TMEM132D: variants seen among roughly 807,000 people sequenced by gnomAD.
The protein encoded by TMEM132D is mature OL transmembrane protein.
Under a neutral mutation model 62.3 loss-of-function variants are expected in TMEM132D, and 21 were observed. The observed-to-expected ratio is 0.34, with a 90% CI of 0.24 to 0.49. The LOEUF (loss-of-function observed/expected upper bound fraction) is 0.49, where lower values mean the gene tolerates loss of function less well. Ranked by LOEUF, TMEM132D falls within the 20% of genes least tolerant of loss-of-function variation. The pLI is 0.99. For synonymous variants in TMEM132D, 621 were observed against 575.6 expected, an observed-to-expected ratio of 1.08 and a Z score of -1.13; for missense variants, 1,346 against 1,402.8, an observed-to-expected ratio of 0.96 and a Z score of 0.65.
At chr12:129,722,782 C>T (rs1037694439) in intron 1 of TMEM132D, among the ~76,000 whole-genome samples, 2 of 146,958 alleles carry the variant, frequency 1.4e-5, no homozygotes, top group African/African-American at 5.0e-5. Context: ...CTCTGTCACT[C>T]AGCCTGGAGT....
chr12:129,407,465 C>T (rs1871826215), intron 3 of TMEM132D, among the ~76,000 whole-genome samples: 1 of 152,088 alleles, frequency 6.6e-6, no homozygotes, highest in Non-Finnish European at 1.5e-5. Context: ...TTTATCAGAA[C>T]TAAGTATAAA....
At chr12:129,746,864 G>C (rs996875584) in intron 1 of TMEM132D, among the ~76,000 whole-genome samples, 3 of 152,036 alleles carry the variant, frequency 2.0e-5, no homozygotes, top group Non-Finnish European at 4.4e-5. Flanking sequence ...CTTGCTCAGC[G>C]ACGGTCATTC....
At chr12:129,886,749 C>G (rs1874759214) in intron 1 of TMEM132D, among the ~76,000 whole-genome samples, 1 of 152,142 alleles carries the variant, frequency 6.6e-6, no homozygotes, top group South Asian at 2.1e-4. Context: ...ACTGTAGTTC[C>G]CATAACCTCC....
intron 5 of TMEM132D, among the ~76,000 whole-genome samples, chr12:129,200,708 T>C (rs1489369264): frequency 6.6e-6 from 1 of 152,176 alleles, no homozygotes; most frequent in Non-Finnish European, 1.5e-5. Context: ...AGAGAACTGC[T>C]GGGAGCCGGC....
intron 4 of TMEM132D, among the ~76,000 whole-genome samples, chr12:129,318,784 TTGC>T (rs573602458): frequency 1.3e-5 from 2 of 151,910 alleles, no homozygotes; most frequent in Non-Finnish European, 2.9e-5. Context: ...TGGGTGGGTC[TTGC>T]TGCTGCTGCT....
chr12:129,305,487 G>C (rs533467606), intron 4 of TMEM132D, among the ~76,000 whole-genome samples: 1 of 152,218 alleles, frequency 6.6e-6, no homozygotes, highest in African/African-American at 2.4e-5. Flanking sequence ...TAAAGGAATT[G>C]AGTATAGATG....
intron 5 of TMEM132D, among the ~76,000 whole-genome samples, chr12:129,114,435 C>T (rs946019402): frequency 2.8e-5 from 4 of 145,392 alleles, no homozygotes; most frequent in Admixed American, 7.1e-5. Context: ...CCTCCTTCCT[C>T]CCTCCCTCCC....
At chr12:129,759,097 C>T (rs1471512921) in intron 1 of TMEM132D, among the ~76,000 whole-genome samples, 4 of 152,014 alleles carry the variant, frequency 2.6e-5, no homozygotes, top group Admixed American at 2.0e-4. Context: ...TCATGCCTGG[C>T]TAATTTTTGT....
chr12:129,122,721 G>T (rs1192800605), intron 5 of TMEM132D, among the ~76,000 whole-genome samples: 1 of 152,194 alleles, frequency 6.6e-6, no homozygotes, highest in East Asian at 1.9e-4. Context: ...CTTGATAATG[G>T]AGTATATGAA....
At chr12:129,432,292 TG>T (rs1872682962) in intron 3 of TMEM132D, among the ~76,000 whole-genome samples, 1 of 33,814 alleles carries the variant, frequency 3.0e-5, no homozygotes, top group Non-Finnish European at 5.5e-5. Flanking sequence ...GATGGATGCT[TG>T]GATGGATGGA....
chr12:129,358,782 AG>A (rs1870154649), intron 3 of TMEM132D, among the ~76,000 whole-genome samples: 1 of 152,168 alleles, frequency 6.6e-6, no homozygotes, highest in Non-Finnish European at 1.5e-5. Context: ...AAGAATGGGT[AG>A]AGGCAAAGGG....
At chr12:129,201,348 G>T (rs1335540228) in intron 5 of TMEM132D, among the ~76,000 whole-genome samples, 5 of 152,174 alleles carry the variant, frequency 3.3e-5, no homozygotes, top group African/African-American at 1.2e-4. Flanking sequence ...TTCTTACAAT[G>T]TCCCCAACCC....
intron 4 of TMEM132D, among the ~76,000 whole-genome samples, chr12:129,244,406 A>AAAACAAAC (rs1259456817): frequency 2.1e-5 from 3 of 146,200 alleles, no homozygotes; most frequent in African/African-American, 7.6e-5. Context: ...AAAAAAAAAA[A>AAAACAAAC]AAACAAACAA....
chr12:129,124,530 T>G (rs1265156643), intron 5 of TMEM132D, among the ~76,000 whole-genome samples: 5 of 152,162 alleles, frequency 3.3e-5, no homozygotes, highest in African/African-American at 7.2e-5. Context: ...CATAGGTCAG[T>G]TTTGCTCATC....
intron 3 of TMEM132D, among the ~76,000 whole-genome samples, chr12:129,358,306 C>T (rs987446486): frequency 2.6e-5 from 4 of 151,848 alleles, no homozygotes; most frequent in Non-Finnish European, 4.4e-5. Context: ...TTCTGGAACC[C>T]TTGTTGTTTG....
intron 2 of TMEM132D, among the ~76,000 whole-genome samples, chr12:129,567,293 A>G (rs1029885441): frequency 2.0e-5 from 3 of 152,240 alleles, no homozygotes; most frequent in African/African-American, 4.8e-5. Context: ...ATATTTTCCA[A>G]ATTACCAATT....
chr12:129,795,302 C>T (rs1157346008), intron 1 of TMEM132D, among the ~76,000 whole-genome samples: 1 of 152,194 alleles, frequency 6.6e-6, no homozygotes, highest in African/African-American at 2.4e-5. Flanking sequence ...TCCCAGCGTG[C>T]ACTGGGCCTG....
chr12:129,710,071 A>G (rs112007211), intron 1 of TMEM132D, among the ~76,000 whole-genome samples: 2 of 152,366 alleles, frequency 1.3e-5, no homozygotes, highest in African/African-American at 4.8e-5. Context: ...ATTTTAAGAC[A>G]TATTCTCATT....
At chr12:129,369,120 C>T (rs971949946) in intron 3 of TMEM132D, among the ~76,000 whole-genome samples, 11 of 152,154 alleles carry the variant, frequency 7.2e-5, no homozygotes, top group East Asian at 3.9e-4. Context: ...AAAGGCTATT[C>T]GACTTGGACC....
Sources: gnomAD v4.1 joint callset for allele counts (sites outside exome capture counted in the v4.1 genomes callset) on GRCh38, gnomAD v4.1.1 for gene constraint, MANE v1.5 for transcripts, NCBI Gene and HGNC (gene_info 2026-07-23, HGNC 2026-07-21) for gene names.